The following PCNX2 variants were observed in gnomAD, a reference collection of about 807,000 sequenced individuals.
PCNX2 encodes the protein pecanex 2.
PCNX2 carries 168 observed loss-of-function variants against 223.8 expected under a neutral mutation model. The observed-to-expected ratio is 0.75, with a 90% confidence interval of 0.66 to 0.85. The LOEUF (loss-of-function observed/expected upper bound fraction) is 0.85. Ranked by LOEUF, PCNX2 falls within the 40% of genes least tolerant of loss-of-function variation. The pLI, the probability that PCNX2 is intolerant of heterozygous loss-of-function variation, is 0.00. For synonymous variants in PCNX2, 1,006 were observed against 1,052.6 expected (o/e 0.96, Z 0.86); for missense variants, 2,507 against 2,675.5 (o/e 0.94, Z 1.39).
chr1:233,234,304 C>G (rs565753320), intron 9 of PCNX2, among the ~76,000 whole-genome samples: 6 of 152,262 alleles, frequency 3.9e-5, no homozygotes, highest in Admixed American at 1.3e-4. Flanking sequence ...ACATTATTTT[C>G]CCAGTATGAG....
At chr1:233,252,092 G>T (rs1391646265) in intron 7 of PCNX2, among the ~76,000 whole-genome samples, 1 of 152,206 alleles carries the variant, frequency 6.6e-6, no homozygotes, top group Non-Finnish European at 1.5e-5. Flanking sequence ...TTAAGTCTGG[G>T]GAGTTCAGGA....
chr1:233,282,363 C>T (rs575357994), intron 1 of PCNX2, among the ~76,000 whole-genome samples: 2 of 152,112 alleles, frequency 1.3e-5, no homozygotes, highest in Non-Finnish European at 2.9e-5. Context: ...ATCTGTATCC[C>T]TAGCTTAGAT....
At chr1:233,176,423 T>TA (rs563045454) in intron 17 of PCNX2, among the ~76,000 whole-genome samples, 4 of 152,160 alleles carry the variant, frequency 2.6e-5, no homozygotes, top group Non-Finnish European at 5.9e-5. Context: ...GCCATAAGTC[T>TA]AAAGTCCAAG....
chr1:233,180,933 AC>A (rs1679761480), intron 15 of PCNX2: 1 of 152,156 alleles, frequency 6.6e-6, no homozygotes, highest in Admixed American at 6.6e-5. Flanking sequence ...ACTCTAAGGT[AC>A]CATGTCTGCA....
intron 1 of PCNX2, chr1:233,289,112 A>T: frequency 2.2e-6 from 2 of 928,722 alleles, no homozygotes; most frequent in South Asian, 2.6e-5. Flanking sequence ...GCTTTTGCTT[A>T]TATTTTGTAC....
chr1:233,050,665 C>T (rs1212858324), intron 25 of PCNX2, among the ~76,000 whole-genome samples: 10 of 152,136 alleles, frequency 6.6e-5, no homozygotes, highest in Admixed American at 6.5e-4. Flanking sequence ...TACCTTTCAC[C>T]ATATACAAAA....
chr1:233,071,055 A>C lies in PCNX2; in HGVS notation c.4077-13765T>G, dbSNP rs75574268. Among the ~76,000 whole-genome samples, 477 of 152,344 alleles carry C rather than the reference A, an allele frequency of 3.1e-3. 5 individuals are homozygous for C. In the East Asian group the frequency reaches 0.032, roughly 10 times the overall value. On this transcript the variant is annotated intron_variant, in intron 23 of 33. Transcript: ENST00000258229. ...CGTCACAAAAAATAAAAATAAAAAAATAAAATGAAAACCTACAGCAACACT... is the reference window on the plus strand; with the variant it reads ...CGTCACAAAAAATAAAAATAAAAAACTAAAATGAAAACCTACAGCAACACT...
At position 233,017,174 on chromosome 1, in the gene PCNX2, A is replaced by G. The variant is rs2102820243; in HGVS notation, c.4606-20T>C. On this transcript the variant is annotated intron_variant, in intron 26 of 33. Transcript: ENST00000258229. ...TATACTCTGCAGAGAAAAAGCCAGG[A>G]AGATTTTATTTATTAATTTAATCTT... The G allele has an allele frequency of 1.5e-6, 1 of 688,506 alleles. No homozygotes were observed. The highest frequency in any genetic ancestry group is 6.7e-5 in the East Asian group (1 of 15,008). The allele number at this position is 688,506 out of a possible 1,614,324, so 42.6% of individuals were successfully genotyped here. A position where few individuals can be genotyped will look rare whatever the true frequency, so the allele number is the denominator to read the frequency against.
intron 17 of PCNX2, among the ~76,000 whole-genome samples, chr1:233,161,567 G>A (rs976839650): frequency 1.3e-5 from 2 of 152,130 alleles, no homozygotes; most frequent in African/African-American, 4.8e-5. Flanking sequence ...AAGGTGGGCT[G>A]GGGGAGAGTG....
chr1:233,295,601 G>A lies in PCNX2; in HGVS notation c.-123C>T, dbSNP rs923017721. ...CCGCGCCCCCGCCGTCGCCGCCGCC[G>A]TCGCCCCCGCCGCCTCCTTCCACCC... On this transcript the variant is annotated 5_prime_UTR_variant, in exon 1 of 34. The change creates a new upstream start codon in the 5' untranslated region. Coordinates refer to ENST00000258229, the MANE Select transcript of PCNX2 (RefSeq NM_014801.4). The surrounding 1 kb of genome is among the most constrained non-coding windows in gnomAD (Gnocchi z 4.1). The A allele has an allele frequency of 6.3e-5, 68 of 1,077,172 alleles. No individual in the cohort carries two copies. The highest frequency in any genetic ancestry group is 7.5e-5 in the Non-Finnish European group (63 of 836,928). 66.7% of individuals were successfully genotyped at this position (1,077,172 alleles called of 1,614,324 possible). A position where few individuals can be genotyped will look rare whatever the true frequency, so the allele number is the denominator to read the frequency against.
At position 233,227,207 on chromosome 1, in the gene PCNX2, T is replaced by A. The variant is rs936636685; in HGVS notation, c.2504+19A>T. On this transcript the variant is annotated intron_variant, in intron 10 of 33. Transcript: ENST00000258229. Reference sequence around the variant, plus strand: ...CCGGTGTGCCTTCCGACAGTGTGTGTGCATGCTCAGTGGCTTACCGATCAA... The same window carrying A: ...CCGGTGTGCCTTCCGACAGTGTGTGAGCATGCTCAGTGGCTTACCGATCAA... 6.2e-7 allele frequency: 1 copy of A among 1,608,072 alleles called. No homozygotes were observed. The highest frequency in any genetic ancestry group is 8.5e-7 in the Non-Finnish European group (1 of 1,176,946).
At chr1:233,064,749 C>T (rs187884396) in intron 23 of PCNX2, among the ~76,000 whole-genome samples, 1 of 152,046 alleles carries the variant, frequency 6.6e-6, no homozygotes, top group Non-Finnish European at 1.5e-5. Context: ...ATTTTACCAT[C>T]TATCATTTTT....
chr1:233,255,589 G>C (rs954500611), intron 5 of PCNX2, among the ~76,000 whole-genome samples: 2 of 152,180 alleles, frequency 1.3e-5, no homozygotes, highest in Non-Finnish European at 2.9e-5. Flanking sequence ...CTTTTCAAAA[G>C]TGTGTGGTTT....
chr1:233,214,996 C>G (rs956364852), intron 12 of PCNX2, among the ~76,000 whole-genome samples: 1 of 152,202 alleles, frequency 6.6e-6, no homozygotes. Context: ...GTCAATCACT[C>G]TAAGAGCAAA....
chr1:233,006,971 T>G (rs1297264395), intron 28 of PCNX2, among the ~76,000 whole-genome samples: 2 of 152,034 alleles, frequency 1.3e-5, no homozygotes, highest in East Asian at 1.9e-4. Context: ...TCTTCATGTG[T>G]GCCTTATTCC....
intron 23 of PCNX2, among the ~76,000 whole-genome samples, chr1:233,059,850 G>A (rs898161669): frequency 2.0e-5 from 3 of 152,116 alleles, no homozygotes; most frequent in African/African-American, 7.2e-5. Flanking sequence ...TGTCAGAAAT[G>A]GTGCTTAAGA....
At chr1:233,100,648 G>C (rs1674436809) in intron 21 of PCNX2, among the ~76,000 whole-genome samples, 1 of 151,984 alleles carries the variant, frequency 6.6e-6, no homozygotes, top group Admixed American at 6.6e-5. Context: ...TAATACACTT[G>C]CAATAAGGCA....
chr1:233,270,333 G>A (rs967357358), intron 1 of PCNX2, among the ~76,000 whole-genome samples: 4 of 152,094 alleles, frequency 2.6e-5, no homozygotes, highest in African/African-American at 9.7e-5. Flanking sequence ...AACAAATTTA[G>A]TATTTTATCA....
chr1:233,077,644 T>C (rs948549790), intron 23 of PCNX2, among the ~76,000 whole-genome samples: 3 of 152,174 alleles, frequency 2.0e-5, no homozygotes, highest in African/African-American at 7.2e-5. Flanking sequence ...TACAGGCAAA[T>C]AAGCTCCAAC....
Sources: gnomAD v4.1 joint callset for allele counts (sites outside exome capture counted in the v4.1 genomes callset) on GRCh38, gnomAD v4.1.1 for gene constraint, Gnocchi (gnomAD v3.1) non-coding constraint, MANE v1.5 for transcripts, NCBI Gene and HGNC (gene_info 2026-07-23, HGNC 2026-07-21) for gene names.